Variants in OSBP2 observed in about 807,000 individuals in gnomAD.
OSBP2 encodes the protein oxysterol binding protein 2.
In OSBP2, 66 loss-of-function variants were observed where a neutral mutation model predicts 96.0. That is an observed-to-expected ratio of 0.69 (90% CI 0.56 to 0.84). The LOEUF (loss-of-function observed/expected upper bound fraction) is 0.84, where lower values mean the gene tolerates loss of function less well. Ranked by LOEUF, OSBP2 falls within the 40% of genes least tolerant of loss-of-function variation. The probability of loss-of-function intolerance (pLI) is 0.00; values close to 1 mark genes in which losing one functional copy is unlikely to be tolerated. For synonymous variants in OSBP2, 525 were observed against 520.9 expected, an observed-to-expected ratio of 1.01 and a Z score of -0.11; for missense variants, 1,038 against 1,222.7, an observed-to-expected ratio of 0.85 and a Z score of 2.25.
intron 3 of OSBP2, among the ~76,000 whole-genome samples, chr22:30,874,598 C>T (rs1035631164): frequency 4.6e-5 from 7 of 152,182 alleles, no homozygotes; most frequent in South Asian, 2.1e-4. Context: ...CCATTCCACG[C>T]ACCGTCTGGT....
chr22:30,862,357 G>A (rs1289215381), intron 2 of OSBP2, among the ~76,000 whole-genome samples: 1 of 152,244 alleles, frequency 6.6e-6, no homozygotes, highest in Non-Finnish European at 1.5e-5. Context: ...CCAGGGCCAT[G>A]GGGGTGGCAG....
chr22:30,710,028 A>T (rs1489076861), intron 1 of OSBP2, among the ~76,000 whole-genome samples: 2 of 152,072 alleles, frequency 1.3e-5, no homozygotes, highest in Admixed American at 6.6e-5. Context: ...AATTATGGGC[A>T]TGTACCACCA....
chr22:30,840,050 CTTTCT>C (rs1246813288), intron 2 of OSBP2, among the ~76,000 whole-genome samples: 2 of 139,772 alleles, frequency 1.4e-5, no homozygotes, highest in Non-Finnish European at 3.1e-5. Context: ...CCAGTTTCAG[CTTTCT>C]TTTTTTTTTT....
intron 2 of OSBP2, among the ~76,000 whole-genome samples, chr22:30,758,326 G>T (rs536315072): frequency 6.6e-6 from 1 of 152,152 alleles, no homozygotes; most frequent in Non-Finnish European, 1.5e-5. Context: ...ACTTGATCCC[G>T]GGAGGAAGAG....
intron 1 of OSBP2, among the ~76,000 whole-genome samples, chr22:30,718,916 C>A (rs1339699029): frequency 6.6e-6 from 1 of 152,174 alleles, no homozygotes; most frequent in Non-Finnish European, 1.5e-5. Context: ...TGTTCATGCA[C>A]TGTGACAAGA....
chr22:30,731,953 G>A (rs996367104), intron 1 of OSBP2, among the ~76,000 whole-genome samples: 1 of 152,196 alleles, frequency 6.6e-6, no homozygotes, highest in Non-Finnish European at 1.5e-5. Flanking sequence ...GCGCTGAGTG[G>A]TCTGCATGTG....
In OSBP2 at chr22:30,721,514, A is replaced by C. The variant is rs546501606; in HGVS notation, c.645-19647A>C. On this transcript the variant is annotated intron_variant, in intron 1 of 13. Coordinates refer to ENST00000332585, the MANE Select transcript of OSBP2 (RefSeq NM_030758.4). ...TCTCCCACGCAGACTCTGTTTGGGG[A>C]GTCTGCAACTGCCTATGGTGTGGGG... Among the ~76,000 whole-genome samples, 14 of 152,264 alleles carry C rather than the reference A, an allele frequency of 9.2e-5. No homozygotes were observed. In the East Asian group the frequency reaches 2.7e-3, roughly 29 times the overall value.
At chr22:30,830,826 C>G (rs2038505507) in intron 2 of OSBP2, among the ~76,000 whole-genome samples, 1 of 151,664 alleles carries the variant, frequency 6.6e-6, no homozygotes. Context: ...GTTTTTAGGT[C>G]TCTATTTTTG....
chr22:30,706,001 AAGAC>A (rs2089246801), intron 1 of OSBP2, among the ~76,000 whole-genome samples: 1 of 152,208 alleles, frequency 6.6e-6, no homozygotes, highest in Non-Finnish European at 1.5e-5. Flanking sequence ...TCAGTAAAGA[AAGAC>A]AGGTCTATGA....
Position 30,874,108 on chromosome 22 carries a change from G to A in OSBP2, c.1107+3426G>A, listed in dbSNP as rs182089275. ...AAAAATTAGCTGGGCATGGTGGCAC[G>A]TACCTGTAATCTCAGCTACTTAGGA... On this transcript the variant is annotated intron_variant, in intron 3 of 13. Coordinates refer to ENST00000332585, the MANE Select transcript of OSBP2 (RefSeq NM_030758.4). Among the ~76,000 whole-genome samples, 94 of 152,270 alleles carry A rather than the reference G, an allele frequency of 6.2e-4. No homozygotes were observed. The East Asian group carries it at 6.4e-3, about 10-fold the overall frequency.
chr22:30,902,694 G>A (rs1390956340), intron 12 of OSBP2: 26 of 527,802 alleles, frequency 4.9e-5, no homozygotes, highest in South Asian at 2.3e-4. Context: ...ATGTTGTGAC[G>A]CCCCTCAATG....
chr22:30,703,501 A>C (rs1178659005), intron 1 of OSBP2, among the ~76,000 whole-genome samples: 6 of 145,078 alleles, frequency 4.1e-5, no homozygotes, highest in Admixed American at 2.8e-4. Context: ...TTTTAGACAG[A>C]ATCTCACTCT....
chr22:30,694,404 T>A, upstream of OSBP2: 7 of 1,460,818 alleles, frequency 4.8e-6, no homozygotes, highest in Non-Finnish European at 6.3e-6. Flanking sequence ...CTGTGCTTCG[T>A]GCGCATTTCG....
intron 2 of OSBP2, among the ~76,000 whole-genome samples, chr22:30,774,411 G>A (rs1002736407): frequency 3.6e-4 from 55 of 152,164 alleles, no homozygotes; most frequent in Admixed American, 6.5e-5. Flanking sequence ...GGAGAGCATT[G>A]TCATTGGAGT....
intron 1 of OSBP2, among the ~76,000 whole-genome samples, chr22:30,712,237 C>A (rs136388): frequency 0.61 from 91,926 of 151,790 alleles, 28,935 homozygotes; most frequent in Middle Eastern, 0.71. Context: ...CTTGACCTAA[C>A]CCTCCCACCT....
At chr22:30,814,685 T>C (rs887844097) in intron 2 of OSBP2, among the ~76,000 whole-genome samples, 1 of 152,012 alleles carries the variant, frequency 6.6e-6, no homozygotes, top group African/African-American at 2.4e-5. Flanking sequence ...CGCCTTGGCC[T>C]CCCAAAGTGC....
chr22:30,724,873 G>T (rs918749357), intron 1 of OSBP2, among the ~76,000 whole-genome samples: 2 of 152,076 alleles, frequency 1.3e-5, no homozygotes, highest in Admixed American at 6.6e-5. Flanking sequence ...TGTGCTGGTG[G>T]CAAAGAAACC....
At position 30,772,072 on chromosome 22, in the gene OSBP2, A is replaced by G. The variant is rs140697907; in HGVS notation, c.853+30703A>G. ...CCATCAGACAGCCGCAAGCCAGAGA[A>G]TCAGGCCAGAGACAAGCCCCTGCGG... On this transcript the variant is annotated intron_variant, in intron 2 of 13. Coordinates refer to ENST00000332585, the MANE Select transcript of OSBP2 (RefSeq NM_030758.4). Among the ~76,000 whole-genome samples the G allele has an allele frequency of 1.9e-3, 295 of 152,352 alleles. 1 individual carries two copies. The highest frequency in any genetic ancestry group is 6.6e-3 in the African/African-American group (274 of 41,582).
At chr22:30,788,822 C>T (rs2090633444) in intron 2 of OSBP2, among the ~76,000 whole-genome samples, 2 of 152,150 alleles carry the variant, frequency 1.3e-5, no homozygotes, top group African/African-American at 4.8e-5. Flanking sequence ...AAGCGATTCT[C>T]CTGCCTCAGC....
Sources: allele counts gnomAD v4.1 joint callset (sites outside exome capture counted in the v4.1 genomes callset), GRCh38; gene constraint gnomAD v4.1.1; transcripts MANE v1.5; gene names NCBI Gene and HGNC (gene_info 2026-07-23, HGNC 2026-07-21).